The following PRRC2C variants were observed in gnomAD, a reference collection of about 807,000 sequenced individuals.
The protein encoded by PRRC2C is proline rich coiled-coil 2C, also known as protein PRRC2C.
A neutral mutation model predicts 317.2 loss-of-function variants in PRRC2C; 72 were observed. That is an observed-to-expected ratio of 0.23 (90% CI 0.19 to 0.28). The LOEUF (loss-of-function observed/expected upper bound fraction) is 0.28, where lower values mean the gene tolerates loss of function less well. Among genes scored for constraint, PRRC2C ranks in the 10% least tolerant of loss-of-function variants. The probability of loss-of-function intolerance (pLI) is 1.00; values close to 1 mark genes in which losing one functional copy is unlikely to be tolerated. For missense variants in PRRC2C, 3,074 were observed against 3,459.7 expected (o/e 0.89, Z 2.80); for synonymous variants, 1,296 against 1,205.9 (o/e 1.07, Z -1.55).
chr1:171,585,034 T>C (rs1379385817), intron 30 of PRRC2C, among the ~76,000 whole-genome samples: 1 of 152,128 alleles, frequency 6.6e-6, no homozygotes, highest in Non-Finnish European at 1.5e-5. Context: ...GCCTCGGCCT[T>C]CCAAAGTGTT....
chr1:171,562,609 G>T (rs1682911563), intron 20 of PRRC2C, among the ~76,000 whole-genome samples: 1 of 152,180 alleles, frequency 6.6e-6, no homozygotes, highest in African/African-American at 2.4e-5. Context: ...AGTATGAGAA[G>T]GGACAGAGGA....
chr1:171,529,541 T>C (rs570454479), intron 11 of PRRC2C, among the ~76,000 whole-genome samples: 7 of 152,346 alleles, frequency 4.6e-5, no homozygotes, highest in Admixed American at 4.6e-4. Context: ...TCTAGCTTTA[T>C]CTATCAGCAG....
chr1:171,537,459 G>A lies in PRRC2C; in HGVS notation c.2490G>A (p.Glu830=). 1 of 1,570,430 alleles carries A rather than the reference G, an allele frequency of 6.4e-7. No individual in the cohort carries two copies. Among genetic ancestry groups the A allele is most frequent in the South Asian group, 1.2e-5 (1 of 85,358 alleles). ...QQATTPKATE[E]PEDVRSEAAL... ...CAACTACTCCCAAAGCAACAGAAGA[G>A]CCTGAGGATGTAAGGTAATAAATTA... The change falls in exon 15 of 35, where the codon GAG becomes GAA. Residue 830 remains glutamate (E), a synonymous_variant. Transcript: ENST00000647382.
intron 19 of PRRC2C, among the ~76,000 whole-genome samples, 188 bp from the exon 20 acceptor site, chr1:171,560,830 C>T (rs73040332): frequency 2.0e-5 from 3 of 152,198 alleles, no homozygotes; most frequent in African/African-American, 4.8e-5. Flanking sequence ...GAACTGAACC[C>T]ACAATGTTTC....
At chr1:171,580,077 A>G (rs777918309) in intron 28 of PRRC2C, 113 bp downstream of exon 28, 29 of 937,918 alleles carry the variant, frequency 3.1e-5, no homozygotes, top group Non-Finnish European at 4.0e-5. Flanking sequence ...TGACTCTGCT[A>G]TAAACTACAT....
At chr1:171,560,357 G>A (rs1327401115) in intron 19 of PRRC2C, among the ~76,000 whole-genome samples, 9 of 151,844 alleles carry the variant, frequency 5.9e-5, no homozygotes, top group African/African-American at 1.9e-4. Context: ...TGACAGCAAA[G>A]GATCTAGAAT....
At chr1:171,533,001 A>G in intron 12 of PRRC2C, 40 bp downstream of exon 12, 1 of 1,489,306 alleles carries the variant, frequency 6.7e-7, no homozygotes, top group East Asian at 2.3e-5. Flanking sequence ...AAACTTTACA[A>G]AGAGCTTTAT....
intron 1 of PRRC2C, among the ~76,000 whole-genome samples, chr1:171,486,172 C>T (rs1003491375): frequency 6.7e-6 from 1 of 148,280 alleles, no homozygotes; most frequent in Non-Finnish European, 1.5e-5. Flanking sequence ...AGGACTCAGC[C>T]GGGGCTTTCA....
intron 19 of PRRC2C, among the ~76,000 whole-genome samples, 167 bp downstream of exon 19, chr1:171,558,310 A>G (rs1681838855): frequency 6.6e-6 from 1 of 152,202 alleles, no homozygotes; most frequent in South Asian, 2.1e-4. Flanking sequence ...TGTTTTAAGC[A>G]TGTTTAACAA....
chr1:171,549,588 G>T (rs988227042), intron 17 of PRRC2C, among the ~76,000 whole-genome samples: 1 of 151,980 alleles, frequency 6.6e-6, no homozygotes, highest in African/African-American at 2.4e-5. Context: ...TTTGGACAGA[G>T]TCGCACTCTG....
chr1:171,557,928 A>G lies in PRRC2C; in HGVS notation c.5816A>G (p.His1939Arg). Reference sequence around the variant, plus strand: ...CCAGCCCAGACTCAGGCACAGACCCACAAACCAGTCCAGAATCCACTACAG... The same window carrying G: ...CCAGCCCAGACTCAGGCACAGACCCGCAAACCAGTCCAGAATCCACTACAG... Reference protein sequence around the residue: ...PAPAQTQAQTHKPVQNPLQTT... With the variant: ...PAPAQTQAQTRKPVQNPLQTT... Residue 1939 changes from histidine to arginine, a missense_variant, in exon 19 of 35, where the codon CAC becomes CGC. His to Arg is a conservative substitution (Grantham distance 29, BLOSUM62 0). This residue lies in a region of PRRC2C where 640 missense variants were observed against 676.1 expected (regional missense o/e 0.95). Transcript: ENST00000647382. 1 of 1,537,578 alleles carries G rather than the reference A, an allele frequency of 6.5e-7. No homozygotes were observed. Among genetic ancestry groups the G allele is most frequent in the Non-Finnish European group, 8.7e-7 (1 of 1,144,562 alleles).
rs1321339823 is a variant in PRRC2C at position 171,535,505 on chromosome 1, C to G, written c.1951C>G (p.Pro651Ala). 3.1e-6 allele frequency: 5 copies of G among 1,613,850 alleles called. No homozygotes were observed. The Admixed American group carries it at 8.3e-5, about 27-fold the overall frequency. Reference protein sequence around the residue: ...EATPVVHETEPESGSQPRPAV... With the variant: ...EATPVVHETEAESGSQPRPAV... ...CACACCAGTGGTGCATGAAACAGAACCAGAATCAGGGTCTCAACCTCGGCC... is the reference window on the plus strand; with the variant it reads ...CACACCAGTGGTGCATGAAACAGAAGCAGAATCAGGGTCTCAACCTCGGCC... Residue 651 changes from proline to alanine, a missense_variant, in exon 13 of 35, where the codon CCA becomes GCA. By Grantham distance (27) the Pro-to-Ala change is conservative. Transcript: ENST00000647382.
At chr1:171,551,202 A>G (rs1168468724) in intron 18 of PRRC2C, among the ~76,000 whole-genome samples, 2 of 152,008 alleles carry the variant, frequency 1.3e-5, no homozygotes, top group Non-Finnish European at 2.9e-5. Flanking sequence ...TTTGATTTGC[A>G]TTTCTCTGAC....
chr1:171,571,340 T>C lies in PRRC2C; in HGVS notation c.6672T>C (p.Leu2224=). The part of the protein sequence containing the change: ...LVNNVPLPNT[L]PLPKRETIQQ... ...TTCAGGTGCCCCTGCCCAACACCCT[T>C]CCCCTCCCTAAGAGGGAGACTATAC... Residue 2224 remains leucine (L), a synonymous_variant, in exon 24 of 35, where the codon CTT becomes CTC. Coordinates refer to ENST00000647382, the MANE Select transcript of PRRC2C (RefSeq NM_001387844.1). The C allele has an allele frequency of 6.2e-7, 1 of 1,610,872 alleles. No homozygotes were observed. The highest frequency in any genetic ancestry group is 1.3e-5 in the African/African-American group (1 of 74,942).
At chr1:171,508,022 AT>A (rs1330162831) in intron 1 of PRRC2C, among the ~76,000 whole-genome samples, 2 of 152,178 alleles carry the variant, frequency 1.3e-5, no homozygotes, top group East Asian at 3.8e-4. Context: ...TACTGAGTTC[AT>A]TTATTAGTTT....
rs970673609 is a variant in PRRC2C at position 171,513,277 on chromosome 1, A to G, written c.290+105A>G. ...AAGTGTTATGCTGTCTGTATTACAT[A>G]TTACATATTTTATACTCTTTAAAGT... On this transcript the variant is annotated intron_variant, in intron 3 of 34. Transcript: ENST00000647382. 63 of 1,185,794 alleles carry G rather than the reference A, an allele frequency of 5.3e-5. No homozygotes were observed. In the African/African-American group the frequency reaches 9.0e-4, roughly 17 times the overall value. The allele number at this position is 1,185,794 out of a possible 1,614,324, so 73.5% of individuals were successfully genotyped here.
In PRRC2C at chr1:171,591,884, G is replaced by GCCC; in HGVS notation, c.*37_*38insCCC. The stretch of plus-strand genomic sequence containing the variant: ...TATTGCAGGGGATTGGGAGGGGGGC[G>GCCC]GGAAAACATGGAGAATTAAGTCAGA... On this transcript the variant is annotated 3_prime_UTR_variant, in exon 35 of 35. Transcript: ENST00000647382. 2.2e-6 allele frequency: 1 copy of GCCC among 449,404 alleles called. No homozygotes were observed. The highest frequency in any genetic ancestry group is 4.1e-6 in the Non-Finnish European group (1 of 241,944). 27.8% of individuals were successfully genotyped at this position (449,404 alleles called of 1,614,324 possible). A position where few individuals can be genotyped will look rare whatever the true frequency, so the allele number is the denominator to read the frequency against.
rs1246583932 is a variant in PRRC2C, at chr1:171,584,561, TTTA to T, written c.7749+44_7749+46del. The T allele has an allele frequency of 5.3e-6, 8 of 1,508,992 alleles. No homozygotes were observed. In the Admixed American group the frequency reaches 1.3e-4, roughly 24 times the overall value. 93.5% of individuals were successfully genotyped at this position (1,508,992 alleles called of 1,614,324 possible). ...GGCATGGTAAATTTCCTCAATTTTC[TTTA>T]TTATTATTTTTATTGCTTTTGTTAT... On this transcript the variant is annotated intron_variant, in intron 30 of 34. Coordinates refer to ENST00000647382, the MANE Select transcript of PRRC2C (RefSeq NM_001387844.1).
intron 1 of PRRC2C, among the ~76,000 whole-genome samples, chr1:171,499,601 C>T (rs980431768): frequency 1.3e-5 from 2 of 152,044 alleles, no homozygotes; most frequent in Non-Finnish European, 2.9e-5. Context: ...GTCGGGAGTT[C>T]GAGACCAGCC....
Sources: allele counts gnomAD v4.1 joint callset (sites outside exome capture counted in the v4.1 genomes callset), GRCh38; gene constraint gnomAD v4.1.1; regional missense constraint gnomAD v4.1.1; transcripts MANE v1.5; gene names NCBI Gene and HGNC (gene_info 2026-07-23, HGNC 2026-07-21).